The following PRKG1 variants were observed in gnomAD, a reference collection of about 807,000 sequenced individuals.
PRKG1 encodes the protein cGMP-dependent protein kinase 1.
PRKG1 carries 35 observed loss-of-function variants against 88.1 expected under a neutral mutation model. The observed-to-expected ratio is 0.40, with a 90% CI of 0.30 to 0.53. The LOEUF is 0.53. Ranked by LOEUF, PRKG1 falls within the 20% of genes least tolerant of loss-of-function variation. The pLI is 0.59. For missense variants in PRKG1, 540 were observed against 839.8 expected (o/e 0.64, Z 4.41); for synonymous variants, 303 against 292.5 (o/e 1.04, Z -0.37).
At chr10:51,914,143 TA>T (rs1456123170) in intron 5 of PRKG1, among the ~76,000 whole-genome samples, 3 of 152,082 alleles carry the variant, frequency 2.0e-5, no homozygotes, top group Non-Finnish European at 4.4e-5. Flanking sequence ...GAAGAACCCC[TA>T]ACTAATCTCC....
At chr10:51,279,341 CT>C (rs1427623955) in intron 2 of PRKG1, among the ~76,000 whole-genome samples, 6 of 152,154 alleles carry the variant, frequency 3.9e-5, no homozygotes, top group Non-Finnish European at 8.8e-5. Context: ...AATTTCTGTT[CT>C]TTTTCATTTA....
chr10:51,630,821 A>G (rs1018736275), intron 3 of PRKG1, among the ~76,000 whole-genome samples: 23 of 152,338 alleles, frequency 1.5e-4, no homozygotes, highest in African/African-American at 5.5e-4. Flanking sequence ...AGGCAGGATC[A>G]TCTGTTTACC....
intron 3 of PRKG1, among the ~76,000 whole-genome samples, chr10:51,530,005 T>C (rs1841979872): frequency 6.6e-6 from 1 of 152,212 alleles, no homozygotes; most frequent in Admixed American, 6.5e-5. Context: ...CTTTTTTAAC[T>C]AGTCTGGAAG....
At chr10:51,188,191 G>C (rs2132036303) in intron 2 of PRKG1, among the ~76,000 whole-genome samples, 1 of 152,098 alleles carries the variant, frequency 6.6e-6, no homozygotes, top group South Asian at 2.1e-4. Flanking sequence ...GCTGCCCTCA[G>C]TCTTGTCTTT....
intron 3 of PRKG1, among the ~76,000 whole-genome samples, chr10:51,520,450 A>T (rs1841707030): frequency 6.6e-6 from 1 of 151,892 alleles, no homozygotes; most frequent in South Asian, 2.1e-4. Flanking sequence ...CATGGGAGAA[A>T]CAATCACTAC....
At chr10:52,180,117 T>C (rs1196506884) in intron 9 of PRKG1, among the ~76,000 whole-genome samples, 1 of 152,202 alleles carries the variant, frequency 6.6e-6, no homozygotes, top group Non-Finnish European at 1.5e-5. Context: ...TTTTATCTTT[T>C]TTTCCTCTCT....
At chr10:51,195,773 A>T (rs947047144) in intron 2 of PRKG1, among the ~76,000 whole-genome samples, 17 of 152,184 alleles carry the variant, frequency 1.1e-4, no homozygotes, top group African/African-American at 3.9e-4. Flanking sequence ...CTTGAAGAAG[A>T]TAAATATGAT....
chr10:52,298,137 C>A lies in PRKG1; in HGVS notation c.*4237C>A, dbSNP rs1449677141. 1 of 152,010 alleles carries A rather than the reference C, an allele frequency of 6.6e-6. No individual in the cohort carries two copies. Among genetic ancestry groups the A allele is most frequent in the Non-Finnish European group, 1.5e-5 (1 of 68,002 alleles). 9.4% of individuals were successfully genotyped at this position (152,010 alleles called of 1,614,324 possible). A position where few individuals can be genotyped will look rare whatever the true frequency, so the allele number is the denominator to read the frequency against. On this transcript the variant is annotated 3_prime_UTR_variant, in exon 18 of 18. Transcript: ENST00000373980. ...CTATGGTTATTTGATTGTCCTCTTA[C>A]AATTTGTTCTACATGAAAGAGTTCT...
At chr10:52,191,345 T>TC (rs1409332721) in intron 9 of PRKG1, among the ~76,000 whole-genome samples, 1 of 151,618 alleles carries the variant, frequency 6.6e-6, no homozygotes, top group Non-Finnish European at 1.5e-5. Flanking sequence ...TTTTTTTTTT[T>TC]CTTACAGAGA....
chr10:51,121,240 GTAATATATATCC>G (rs1845253632), intron 1 of PRKG1, among the ~76,000 whole-genome samples: 1 of 152,080 alleles, frequency 6.6e-6, no homozygotes, highest in African/African-American at 2.4e-5. Context: ...TCCATATAAG[GTAATATATATCC>G]AAATTCTGAG....
intron 3 of PRKG1, among the ~76,000 whole-genome samples, chr10:51,769,337 A>G (rs752901649): frequency 1.2e-4 from 19 of 152,210 alleles, no homozygotes; most frequent in Non-Finnish European, 2.6e-4. Context: ...CCTACTACAA[A>G]TGCATGAAAT....
chr10:51,983,964 A>G (rs1844083906), intron 5 of PRKG1, among the ~76,000 whole-genome samples: 1 of 152,220 alleles, frequency 6.6e-6, no homozygotes, highest in African/African-American at 2.4e-5. Flanking sequence ...AAATTTGCCA[A>G]AAATTAGGGG....
At chr10:51,699,558 T>A in intron 3 of PRKG1, 1 of 1,603,314 alleles carries the variant, frequency 6.2e-7, no homozygotes, top group Non-Finnish European at 8.5e-7. Flanking sequence ...ATGATTCCGG[T>A]TGTGCAGACA....
rs369282662 is a variant in PRKG1, at chr10:51,698,481, G to C, written c.593-106104G>C. ...TGCATGGGGGGACCCTGATGGGGTGGACCCAGATAACCTCTGGGCTCCACT... is the reference window on the plus strand; with the variant it reads ...TGCATGGGGGGACCCTGATGGGGTGCACCCAGATAACCTCTGGGCTCCACT... On this transcript the variant is annotated intron_variant, in intron 3 of 17. Transcript: ENST00000373980. The C allele has an allele frequency of 1.2e-5, 19 of 1,613,984 alleles. 1 individual carries two copies. Among genetic ancestry groups the C allele is most frequent in the Middle Eastern group, 1.6e-4 (1 of 6,084 alleles).
chr10:51,469,998 C>T (rs1299873489), intron 3 of PRKG1, among the ~76,000 whole-genome samples: 1 of 151,804 alleles, frequency 6.6e-6, no homozygotes, highest in Non-Finnish European at 1.5e-5. Context: ...TGTCCTGCCA[C>T]CTCTGCTATC....
intron 2 of PRKG1, among the ~76,000 whole-genome samples, chr10:51,380,418 G>T (rs939899787): frequency 6.6e-6 from 1 of 152,174 alleles, no homozygotes; most frequent in African/African-American, 2.4e-5. Flanking sequence ...TGAAAAAAGA[G>T]ATTTTTTTGT....
At chr10:52,026,924 G>A (rs1275793539) in intron 5 of PRKG1, among the ~76,000 whole-genome samples, 1 of 152,116 alleles carries the variant, frequency 6.6e-6, no homozygotes, top group Non-Finnish European at 1.5e-5. Context: ...GCAATGAGCC[G>A]AGATCGCTCG....
At position 51,244,409 on chromosome 10, in the gene PRKG1, T is replaced by G. The variant is rs187862619; in HGVS notation, c.478+91079T>G. 2.6e-5 allele frequency among the ~76,000 whole-genome samples: 4 copies of G among 151,514 alleles called. No homozygotes were observed. In the East Asian group the frequency reaches 7.8e-4, roughly 30 times the overall value. On this transcript the variant is annotated intron_variant, in intron 2 of 17. Transcript: ENST00000373980. ...CTCAATATCATTTCTGAGGTCACCC[T>G]CATGTCTAGGGGGATATGTAGAGTA...
intron 3 of PRKG1, among the ~76,000 whole-genome samples, chr10:51,576,806 G>A (rs540516893): frequency 1.7e-4 from 26 of 151,892 alleles, no homozygotes; most frequent in African/African-American, 6.0e-4. Context: ...AATTCTAAAT[G>A]TGATAGTAAT....
Sources: allele counts gnomAD v4.1 joint callset (sites outside exome capture counted in the v4.1 genomes callset), GRCh38; gene constraint gnomAD v4.1.1; transcripts MANE v1.5; gene names NCBI Gene and HGNC (gene_info 2026-07-23, HGNC 2026-07-21).